Variants in PRKCA observed in about 807,000 individuals in gnomAD.
PRKCA encodes the protein protein kinase C alpha.
In PRKCA, 27 loss-of-function variants were observed where a neutral mutation model predicts 87.0. The observed-to-expected ratio is 0.31, with a 90% confidence interval of 0.23 to 0.43. The LOEUF (loss-of-function observed/expected upper bound fraction) is 0.43. Among genes scored for constraint, PRKCA ranks in the 20% least tolerant of loss-of-function variants. PRKCA has a pLI of 1.00. For missense variants in PRKCA, 518 were observed against 852.3 expected, an observed-to-expected ratio of 0.61 and a Z score of 4.88; for synonymous variants, 329 against 311.1, an observed-to-expected ratio of 1.06 and a Z score of -0.61.
intron 16 of PRKCA, among the ~76,000 whole-genome samples, chr17:66,795,244 C>T (rs1235822311): frequency 6.6e-6 from 1 of 152,198 alleles, no homozygotes. Context: ...CCTGGCATGG[C>T]TGTGTCACAG....
At chr17:66,570,409 A>C (rs536098650) in intron 3 of PRKCA, among the ~76,000 whole-genome samples, 32 of 152,368 alleles carry the variant, frequency 2.1e-4, no homozygotes, top group African/African-American at 7.0e-4. Context: ...AAATGCCTTC[A>C]GTATGTACAG....
intron 11 of PRKCA, among the ~76,000 whole-genome samples, chr17:66,740,469 A>G (rs1048222852): frequency 1.3e-5 from 2 of 152,182 alleles, no homozygotes; most frequent in East Asian, 1.9e-4. Context: ...CTGCTGTGCC[A>G]TCTAAGAGAC....
chr17:66,741,108 G>A (rs1008557487), intron 11 of PRKCA, among the ~76,000 whole-genome samples: 1 of 152,122 alleles, frequency 6.6e-6, no homozygotes, highest in African/African-American at 2.4e-5. Context: ...AGCTATTAAT[G>A]TATTAACAAT....
At chr17:66,626,121 T>TA in intron 3 of PRKCA, among the ~76,000 whole-genome samples, 1 of 152,312 alleles carries the variant, frequency 6.6e-6, no homozygotes, top group African/African-American at 2.4e-5. Flanking sequence ...GGGCTACCTT[T>TA]AAGTTGGTTG....
intron 16 of PRKCA, among the ~76,000 whole-genome samples, chr17:66,797,666 A>G (rs1240698061): frequency 2.0e-5 from 3 of 152,110 alleles, no homozygotes; most frequent in Non-Finnish European, 4.4e-5. Flanking sequence ...AGCTATATAC[A>G]TTGGGGCTCT....
chr17:66,406,586 T>A (rs868711212), intron 2 of PRKCA, among the ~76,000 whole-genome samples: 11 of 59,992 alleles, frequency 1.8e-4, no homozygotes, highest in African/African-American at 6.0e-4. Flanking sequence ...CTTTTCCAGG[T>A]TTTTTTTTTT....
intron 3 of PRKCA, among the ~76,000 whole-genome samples, chr17:66,594,498 A>C (rs1969912671): frequency 1.3e-5 from 2 of 152,162 alleles, no homozygotes; most frequent in African/African-American, 4.8e-5. Flanking sequence ...CTGAATGATG[A>C]CTTCAATGAA....
chr17:66,728,642 A>G (rs1973812764), intron 8 of PRKCA, among the ~76,000 whole-genome samples: 1 of 152,238 alleles, frequency 6.6e-6, no homozygotes, highest in Admixed American at 6.5e-5. Flanking sequence ...CTAATATGAT[A>G]ACATGAAACT....
At chr17:66,402,414 A>ATTT (rs368233389) in intron 2 of PRKCA, among the ~76,000 whole-genome samples, 128 of 133,664 alleles carry the variant, frequency 9.6e-4, no homozygotes, top group South Asian at 3.3e-3. Flanking sequence ...AGGCCAAGAA[A>ATTT]TTTTTTTTTT....
chr17:66,402,414 ATTT>A (rs368233389), intron 2 of PRKCA, among the ~76,000 whole-genome samples: 1 of 133,678 alleles, frequency 7.5e-6, no homozygotes, highest in African/African-American at 2.8e-5. Flanking sequence ...AGGCCAAGAA[ATTT>A]TTTTTTTTTT....
Position 66,735,663 on chromosome 17 carries a change from G to T in PRKCA, c.1230+1G>T. The T allele has an allele frequency of 6.2e-7, 1 of 1,613,512 alleles. No individual in the cohort carries two copies. The highest frequency in any genetic ancestry group is 8.5e-7 in the Non-Finnish European group (1 of 1,179,684). ...GCTGCACTCCTGCTTCCAGACAGTG[G>T]TAAGGACCCTGGGAATCCCTGCGAT... On this transcript the variant is annotated splice_donor_variant, in intron 10 of 16. Coordinates refer to ENST00000413366, the MANE Select transcript of PRKCA (RefSeq NM_002737.3). LOFTEE classifies it high-confidence loss of function.
chr17:66,785,885 G>A (rs1975371973), intron 14 of PRKCA, among the ~76,000 whole-genome samples: 1 of 152,218 alleles, frequency 6.6e-6, no homozygotes, highest in African/African-American at 2.4e-5. Context: ...CTGGAGTGCA[G>A]TGGTGCAATC....
intron 2 of PRKCA, among the ~76,000 whole-genome samples, chr17:66,347,941 C>CTTGTTTTTTTTT (rs1907496138): frequency 1.8e-5 from 1 of 56,440 alleles, no homozygotes; most frequent in African/African-American, 5.7e-5. Context: ...AATTCTGAAC[C>CTTGTTTTTTTTT]TTTTTTTTTT....
chr17:66,741,531 G>C, intron 11 of PRKCA, 128 bp from the exon 12 acceptor site: 1 of 925,060 alleles, frequency 1.1e-6, no homozygotes, highest in South Asian at 1.7e-5. Context: ...GGAAGAACAC[G>C]ATGCTGGTCT....
intron 3 of PRKCA, among the ~76,000 whole-genome samples, chr17:66,507,000 T>C (rs1310441827): frequency 6.6e-6 from 1 of 152,204 alleles, no homozygotes; most frequent in Non-Finnish European, 1.5e-5. Context: ...GCACAGGATG[T>C]GACATCTTTG....
chr17:66,306,777 C>A (rs1904840047), intron 2 of PRKCA, among the ~76,000 whole-genome samples: 1 of 152,150 alleles, frequency 6.6e-6, no homozygotes, highest in Non-Finnish European at 1.5e-5. Context: ...GAATATCTAA[C>A]TTTTTGTACT....
rs549673025 is a variant in PRKCA at position 66,520,401 on chromosome 17, G to A, written c.288+24118G>A. Among the ~76,000 whole-genome samples the A allele has an allele frequency of 2.5e-3, 383 of 152,124 alleles. 1 individual carries two copies. The highest frequency in any genetic ancestry group is 3.2e-3 in the Non-Finnish European group (216 of 67,982). On this transcript the variant is annotated intron_variant, in intron 3 of 16. Coordinates refer to ENST00000413366, the MANE Select transcript of PRKCA (RefSeq NM_002737.3). ...CTCCCAAAGTGCTGTGATTACAGGT[G>A]TGAGCCACCATGCCCAGCCCACCGT... is the stretch of plus-strand genomic sequence containing the variant.
intron 14 of PRKCA, chr17:66,774,860 T>A: frequency 3.0e-6 from 3 of 985,450 alleles, no homozygotes; most frequent in Non-Finnish European, 3.6e-6. Context: ...TAATTTTCAC[T>A]GAAGTCCAGT....
intron 5 of PRKCA, among the ~76,000 whole-genome samples, chr17:66,650,353 C>CGG (rs1555631149): frequency 7.2e-6 from 1 of 137,986 alleles, no homozygotes; most frequent in African/African-American, 2.7e-5. Context: ...AGAATGGTGT[C>CGG]GGGGTTTTTT....
Sources: gnomAD v4.1 joint callset for allele counts (sites outside exome capture counted in the v4.1 genomes callset) on GRCh38, gnomAD v4.1.1 for gene constraint, MANE v1.5 for transcripts, NCBI Gene and HGNC (gene_info 2026-07-23, HGNC 2026-07-21) for gene names.